The following DGKH variants were observed in gnomAD, a reference collection of about 807,000 sequenced individuals.
DGKH encodes the protein DAG kinase eta.
In DGKH, 90 loss-of-function variants were observed where a neutral mutation model predicts 159.3. The observed-to-expected ratio is 0.57, with a 90% CI of 0.48 to 0.67. DGKH has a LOEUF of 0.67. DGKH is among the 30% of genes least tolerant of loss of function. The pLI is 0.00. For synonymous variants in DGKH, 536 were observed against 553.8 expected (o/e 0.97, Z 0.45); for missense variants, 1,181 against 1,506.1 (o/e 0.78, Z 3.57).
At chr13:42,137,861 G>A (rs937798591) in intron 3 of DGKH, among the ~76,000 whole-genome samples, 2 of 152,170 alleles carry the variant, frequency 1.3e-5, no homozygotes, top group East Asian at 3.8e-4. Flanking sequence ...TGTGACAAAT[G>A]TATTTTTAAT....
chr13:42,061,316 A>G (rs773826778), intron 1 of DGKH, among the ~76,000 whole-genome samples: 3 of 152,174 alleles, frequency 2.0e-5, no homozygotes, highest in Non-Finnish European at 2.9e-5. Context: ...TGGAACTGCC[A>G]TCTTGAAAAT....
chr13:42,129,455 C>T (rs754625311), intron 2 of DGKH, 97 bp from the exon 3 acceptor site: 423 of 1,019,692 alleles, frequency 4.1e-4, no homozygotes, highest in Non-Finnish European at 5.6e-4. Flanking sequence ...TTTTTTCCCC[C>T]ATTTTCTATT....
At chr13:42,162,208 G>C (rs1207246431) in intron 7 of DGKH, among the ~76,000 whole-genome samples, 2 of 152,010 alleles carry the variant, frequency 1.3e-5, no homozygotes, top group East Asian at 3.9e-4. Flanking sequence ...ATATTATTTT[G>C]CCTTTAAAAC....
intron 1 of DGKH, among the ~76,000 whole-genome samples, chr13:42,052,582 C>T (rs527707619): frequency 6.6e-6 from 1 of 152,342 alleles, no homozygotes; most frequent in Admixed American, 6.5e-5. Context: ...GATTTGCATT[C>T]AGACATACTG....
rs1956951260 is a variant in DGKH at position 42,187,118 on chromosome 13, T to C, written c.1608T>C (p.Asn536=). Residue 536 remains asparagine (N), a synonymous_variant, in exon 14 of 30, where the codon AAT becomes AAC. Transcript: ENST00000337343. Reference sequence around the variant, plus strand: ...AGACGTATGACAAAACCTTGGAAAATGCCGTTGTAGCTGATGCCGTGGCCA... The same window carrying C: ...AGACGTATGACAAAACCTTGGAAAACGCCGTTGTAGCTGATGCCGTGGCCA... The part of the protein sequence containing the change: ...VEKTYDKTLE[N]AVVADAVASK... 1.9e-6 allele frequency: 3 copies of C among 1,613,938 alleles called. No individual in the cohort carries two copies. Among genetic ancestry groups the C allele is most frequent in the African/African-American group, 2.7e-5 (2 of 74,900 alleles).
intron 12 of DGKH, among the ~76,000 whole-genome samples, chr13:42,176,888 T>G (rs968198896): frequency 5.9e-5 from 9 of 152,328 alleles, no homozygotes; most frequent in African/African-American, 2.2e-4. Context: ...ATTGTGCACA[T>G]TTTTACATAT....
chr13:42,168,753 C>T lies in DGKH; in HGVS notation c.1302C>T (p.Asp434=), dbSNP rs200960794. The part of the protein sequence containing the change: ...ARVLGWGGSY[D]DDTQLPQILE... ...TTCTTGGCTGGGGAGGTTCATATGACGATGACACCCAACTTCCTCAGATCC... is the reference window on the plus strand; with the variant it reads ...TTCTTGGCTGGGGAGGTTCATATGATGATGACACCCAACTTCCTCAGATCC... Residue 434 remains aspartate (D), a synonymous_variant, in exon 11 of 30, where the codon GAC becomes GAT. Coordinates refer to ENST00000337343, the MANE Select transcript of DGKH (RefSeq NM_178009.5). 7.3e-4 allele frequency: 1,177 copies of T among 1,613,912 alleles called. 1 individual carries two copies. Among genetic ancestry groups the T allele is most frequent in the Non-Finnish European group, 9.3e-4 (1,103 of 1,180,000 alleles).
At position 42,211,076 on chromosome 13, in the gene DGKH, T is replaced by A. The variant is rs899304522; in HGVS notation, c.3014+311T>A. ...AATAAAAAGACTTCAAAAACCAATT[T>A]CTGACAAGTTATTAGAGAGATTTTG... On this transcript the variant is annotated intron_variant, in intron 24 of 29. Transcript: ENST00000337343. Among the ~76,000 whole-genome samples the A allele has an allele frequency of 9.8e-5, 15 of 152,306 alleles. No homozygotes were observed. In the East Asian group the frequency reaches 2.9e-3, roughly 29 times the overall value.
intron 16 of DGKH, among the ~76,000 whole-genome samples, chr13:42,192,082 A>C (rs962232625): frequency 2.0e-5 from 3 of 152,150 alleles, no homozygotes; most frequent in Non-Finnish European, 4.4e-5. Flanking sequence ...CTGAGTGTTC[A>C]CTGTCATCTT....
At chr13:42,084,793 C>G (rs962630486) in intron 1 of DGKH, among the ~76,000 whole-genome samples, 4 of 151,344 alleles carry the variant, frequency 2.6e-5, no homozygotes, top group African/African-American at 9.7e-5. Flanking sequence ...GGCAAAATGA[C>G]AAGGACTTTA....
intron 16 of DGKH, among the ~76,000 whole-genome samples, chr13:42,190,903 A>G (rs1463988949): frequency 6.6e-6 from 1 of 152,176 alleles, no homozygotes; most frequent in East Asian, 1.9e-4. Context: ...AGCTCTCCTA[A>G]CGCTCCAAAT....
chr13:42,186,351 A>T (rs1956929181), intron 13 of DGKH, among the ~76,000 whole-genome samples: 1 of 152,216 alleles, frequency 6.6e-6, no homozygotes, highest in African/African-American at 2.4e-5. Context: ...GCCTTTCAAA[A>T]GGCAGATTTT....
intron 13 of DGKH, among the ~76,000 whole-genome samples, chr13:42,178,563 C>T (rs1956666164): frequency 6.6e-6 from 1 of 151,958 alleles, no homozygotes; most frequent in Non-Finnish European, 1.5e-5. Flanking sequence ...TCATTATTTC[C>T]ATAAACACTA....
At chr13:42,174,748 C>T (rs1447907087) in intron 12 of DGKH, among the ~76,000 whole-genome samples, 1 of 152,174 alleles carries the variant, frequency 6.6e-6, no homozygotes, top group Non-Finnish European at 1.5e-5. Flanking sequence ...GTGGCCCAGG[C>T]TGGCTGGAAT....
At chr13:42,055,559 G>T (rs764476622) in intron 1 of DGKH, among the ~76,000 whole-genome samples, 2 of 152,164 alleles carry the variant, frequency 1.3e-5, no homozygotes, top group Admixed American at 6.5e-5. Flanking sequence ...AAGTTTGCTT[G>T]TTTGCTGTTG....
At chr13:42,051,119 T>A (rs530017154) in intron 1 of DGKH, among the ~76,000 whole-genome samples, 18 of 152,232 alleles carry the variant, frequency 1.2e-4, no homozygotes, top group Non-Finnish European at 2.4e-4. Flanking sequence ...AAAAAGCACA[T>A]TATTTGTGAT....
intron 1 of DGKH, among the ~76,000 whole-genome samples, chr13:42,062,266 A>G (rs1223188514): frequency 6.6e-6 from 1 of 151,982 alleles, no homozygotes; most frequent in Non-Finnish European, 1.5e-5. Context: ...CCCTTTTCCT[A>G]TTTCTCTGTT....
At chr13:42,183,904 T>C (rs1173033080) in intron 13 of DGKH, among the ~76,000 whole-genome samples, 3 of 152,230 alleles carry the variant, frequency 2.0e-5, no homozygotes, top group Non-Finnish European at 4.4e-5. Context: ...AATTAGGTTT[T>C]TTACTTACGC....
intron 29 of DGKH, among the ~76,000 whole-genome samples, chr13:42,224,862 A>G (rs533156066): frequency 2.0e-5 from 3 of 152,034 alleles, no homozygotes; most frequent in African/African-American, 4.8e-5. Flanking sequence ...ACAACTAGAC[A>G]TAGTAACATG....
Sources: allele counts gnomAD v4.1 joint callset (sites outside exome capture counted in the v4.1 genomes callset), GRCh38; gene constraint gnomAD v4.1.1; transcripts MANE v1.5; gene names NCBI Gene and HGNC (gene_info 2026-07-23, HGNC 2026-07-21).